The following QTMAN variants were observed in gnomAD, a reference collection of about 807,000 sequenced individuals.
QTMAN encodes tRNA-queuosine alpha-mannosyltransferase.
chr2:144,007,530 A>T, the QTMAN span: 1 of 1,554,420 alleles, frequency 6.4e-7, no homozygotes, highest in Middle Eastern at 1.7e-4. Flanking sequence ...GTGCTTGGGC[A>T]TGAATCTGTT....
the QTMAN span, among the ~76,000 whole-genome samples, chr2:144,061,341 A>C: frequency 2.6e-5 from 4 of 152,176 alleles, no homozygotes; most frequent in African/African-American, 9.6e-5. Context: ...CTTCTGGGCA[A>C]AGCTACTTTT....
chr2:144,332,911 A>G, the QTMAN span, among the ~76,000 whole-genome samples: 1 of 151,962 alleles, frequency 6.6e-6, no homozygotes, highest in Non-Finnish European at 1.5e-5. Flanking sequence ...TGTGCTGTTC[A>G]TTAGGTCGAC....
the QTMAN span, among the ~76,000 whole-genome samples, chr2:144,120,711 C>T: frequency 6.6e-6 from 1 of 152,122 alleles, no homozygotes; most frequent in African/African-American, 2.4e-5. Flanking sequence ...GGTGACAGAA[C>T]TTCAGGAAGT....
At chr2:144,060,265 T>TTTTTC in the QTMAN span, among the ~76,000 whole-genome samples, 80 of 152,224 alleles carry the variant, frequency 5.3e-4, no homozygotes, top group African/African-American at 1.7e-3. Context: ...TTAATTTTTT[T>TTTTTC]TTTTCTTTTT....
the QTMAN span, among the ~76,000 whole-genome samples, chr2:144,181,256 G>A: frequency 6.6e-6 from 1 of 152,206 alleles, no homozygotes; most frequent in Non-Finnish European, 1.5e-5. Flanking sequence ...CATGATCTAT[G>A]CACACAGTGC....
At chr2:144,207,010 T>A in the QTMAN span, among the ~76,000 whole-genome samples, 3 of 152,264 alleles carry the variant, frequency 2.0e-5, no homozygotes, top group South Asian at 6.2e-4. Flanking sequence ...CACAATTAAA[T>A]GAGATGTGAA....
At chr2:143,961,217 CCT>C in the QTMAN span, among the ~76,000 whole-genome samples, 3 of 152,088 alleles carry the variant, frequency 2.0e-5, no homozygotes. Context: ...ATACTCATTC[CCT>C]GTTGTGCTGC....
the QTMAN span, among the ~76,000 whole-genome samples, chr2:143,982,990 A>T: frequency 8.4e-4 from 128 of 152,316 alleles, no homozygotes; most frequent in African/African-American, 2.9e-3. Flanking sequence ...CAACAGGTAG[A>T]AAAGAAGCTA....
the QTMAN span, among the ~76,000 whole-genome samples, chr2:144,098,429 T>A: frequency 9.2e-5 from 14 of 152,096 alleles, no homozygotes; most frequent in East Asian, 2.1e-3. Context: ...CAGTAAGGAG[T>A]CAAGGCCGGG....
chr2:144,052,682 G>A, the QTMAN span, among the ~76,000 whole-genome samples: 100 of 152,008 alleles, frequency 6.6e-4, no homozygotes, highest in East Asian at 0.018. Flanking sequence ...ATGGAGTTTC[G>A]CTTTTGTTGC....
chr2:144,113,360 G>C, the QTMAN span, among the ~76,000 whole-genome samples: 14 of 151,508 alleles, frequency 9.2e-5, no homozygotes, highest in Non-Finnish European at 1.8e-4. Context: ...ATAACAAAAA[G>C]AATCGGTGAC....
chr2:144,010,522 G>A, the QTMAN span, among the ~76,000 whole-genome samples: 4 of 152,062 alleles, frequency 2.6e-5, no homozygotes, highest in African/African-American at 9.7e-5. Flanking sequence ...ATGCTGAATT[G>A]GACAAGATGA....
At chr2:144,094,048 G>C in the QTMAN span, among the ~76,000 whole-genome samples, 1 of 152,202 alleles carries the variant, frequency 6.6e-6, no homozygotes. Context: ...AAATGGTGAT[G>C]ATCTACGTTG....
chr2:144,083,876 A>G, the QTMAN span, among the ~76,000 whole-genome samples: 1 of 152,184 alleles, frequency 6.6e-6, no homozygotes, highest in Admixed American at 6.5e-5. Flanking sequence ...GTGGTATTTC[A>G]AACAATTTTA....
the QTMAN span, among the ~76,000 whole-genome samples, chr2:144,002,716 G>A: frequency 6.6e-6 from 1 of 151,864 alleles, no homozygotes; most frequent in African/African-American, 2.4e-5. Flanking sequence ...TCAAACTGCA[G>A]GTAATGGAGC....
the QTMAN span, among the ~76,000 whole-genome samples, chr2:144,244,218 T>C: frequency 1.3e-5 from 2 of 152,206 alleles, no homozygotes; most frequent in East Asian, 1.9e-4. Context: ...ACTCCAACAG[T>C]GCGGAGCTCA....
chr2:144,110,679 A>ACC, the QTMAN span, among the ~76,000 whole-genome samples: 734 of 114,198 alleles, frequency 6.4e-3, 23 homozygotes, highest in East Asian at 0.072. Flanking sequence ...AGAAAAATCG[A>ACC]CCCCCCCCCA....
chr2:144,111,071 C>T, the QTMAN span, among the ~76,000 whole-genome samples: 3 of 152,150 alleles, frequency 2.0e-5, no homozygotes, highest in South Asian at 4.1e-4. Flanking sequence ...GTTTCTTCAC[C>T]CTACTGTGTT....
the QTMAN span, among the ~76,000 whole-genome samples, chr2:144,280,167 C>T: frequency 1.3e-5 from 2 of 152,244 alleles, no homozygotes; most frequent in East Asian, 3.9e-4. Context: ...GATGATGATA[C>T]TGAGCTACAA....
Sources: allele counts gnomAD v4.1 joint callset (sites outside exome capture counted in the v4.1 genomes callset), GRCh38; gene constraint gnomAD v4.1.1; transcripts MANE v1.5; gene names NCBI Gene and HGNC (gene_info 2026-07-23, HGNC 2026-07-21).